Variants in BMS1 observed in about 807,000 individuals in gnomAD.
BMS1 encodes BMS1 ribosome biogenesis factor.
A neutral mutation model predicts 138.7 loss-of-function variants in BMS1; 53 were observed. The ratio of observed to expected loss-of-function variants is 0.38; its 90% CI spans 0.31 to 0.48. The LOEUF (loss-of-function observed/expected upper bound fraction) is 0.48. BMS1 is among the 20% of genes least tolerant of loss of function. The pLI, the probability that BMS1 is intolerant of heterozygous loss-of-function variation, is 0.97. For missense variants in BMS1, 1,360 were observed against 1,565.5 expected (o/e 0.87, Z 2.22); for synonymous variants, 504 against 539.9 (o/e 0.93, Z 0.92).
intron 11 of BMS1, 65 bp downstream of exon 11, chr10:42,797,588 G>T: frequency 6.7e-7 from 1 of 1,502,848 alleles, no homozygotes; most frequent in Non-Finnish European, 9.2e-7. Flanking sequence ...TGAGGGAATT[G>T]GTTGGAGGAT....
At chr10:42,798,361 C>A in intron 11 of BMS1, 107 bp from the exon 12 acceptor site, 1 of 1,370,816 alleles carries the variant, frequency 7.3e-7, no homozygotes, top group South Asian at 1.3e-5. Context: ...CAGACAGAGT[C>A]CCTCAGTTCC....
intron 13 of BMS1, among the ~76,000 whole-genome samples, chr10:42,812,530 G>A (rs543598935): frequency 7.3e-4 from 111 of 152,284 alleles, no homozygotes; most frequent in Non-Finnish European, 1.2e-3. Flanking sequence ...CAGATGTTAC[G>A]GTCACTTCCT....
chr10:42,790,008 G>A (rs528118231), intron 4 of BMS1, among the ~76,000 whole-genome samples: 2 of 152,290 alleles, frequency 1.3e-5, no homozygotes, highest in South Asian at 2.1e-4. Flanking sequence ...AAGTCAGAGG[G>A]TGGTGGTTTC....
intron 5 of BMS1, 113 bp from the exon 6 acceptor site, chr10:42,791,514 T>G: frequency 9.0e-7 from 1 of 1,111,946 alleles, no homozygotes; most frequent in Non-Finnish European, 1.2e-6. Flanking sequence ...GGACAGTGGC[T>G]TTGCTGGAAG....
intron 13 of BMS1, among the ~76,000 whole-genome samples, chr10:42,814,135 AT>A (rs1842267148): frequency 6.6e-6 from 1 of 152,136 alleles, no homozygotes; most frequent in South Asian, 2.1e-4. Flanking sequence ...CTGTAAGTTT[AT>A]ATCTTTCACT....
At chr10:42,830,770 A>G (rs538975912) in intron 22 of BMS1, 96 bp from the exon 23 acceptor site, 3 of 1,064,332 alleles carry the variant, frequency 2.8e-6, no homozygotes, top group Non-Finnish European at 4.1e-6. Flanking sequence ...GTTAATATTC[A>G]TTTGGATCGT....
At chr10:42,821,094 T>G in intron 18 of BMS1, 102 bp downstream of exon 18, 1 of 981,888 alleles carries the variant, frequency 1.0e-6, no homozygotes, top group South Asian at 1.4e-5. Flanking sequence ...TTACTCATTT[T>G]TATTAATACA....
At chr10:42,787,096 A>G in intron 3 of BMS1, 72 bp from the exon 4 acceptor site, 1 of 831,154 alleles carries the variant, frequency 1.2e-6, no homozygotes, top group South Asian at 1.4e-5. Context: ...TTAAAAAATG[A>G]AAATTAAGAG....
rs2132403083 is a variant in BMS1 at position 42,832,322 on chromosome 10, G to A, written c.*1226G>A. On this transcript the variant is annotated 3_prime_UTR_variant, in exon 23 of 23. Transcript: ENST00000374518. Reference sequence around the variant, plus strand: ...CACCTGTAGTTCCAGCTGCTTGGGAGGCTGAGGTAGGAGGATCACTTGAGC... The same window carrying A: ...CACCTGTAGTTCCAGCTGCTTGGGAAGCTGAGGTAGGAGGATCACTTGAGC... The A allele has an allele frequency of 6.6e-6, 1 of 152,184 alleles. No homozygotes were observed. The highest frequency in any genetic ancestry group is 2.4e-5 in the African/African-American group (1 of 41,514). The allele number at this position is 152,184 out of a possible 1,614,324, so 9.4% of individuals were successfully genotyped here. A position where few individuals can be genotyped will look rare whatever the true frequency, so the allele number is the denominator to read the frequency against.
rs776525557 is a variant in BMS1 at position 42,787,147 on chromosome 10, T to C, written c.368-21T>C. 4.7e-6 allele frequency: 4 copies of C among 848,946 alleles called. No individual in the cohort carries two copies. In the Middle Eastern group the frequency reaches 1.0e-3, roughly 218 times the overall value. The allele number at this position is 848,946 out of a possible 1,614,324, so 52.6% of individuals were successfully genotyped here. A position where few individuals can be genotyped will look rare whatever the true frequency, so the allele number is the denominator to read the frequency against. The stretch of plus-strand genomic sequence containing the variant: ...TTTTCAGGGTCTTTTTAAAGTAAAA[T>C]TTTCATCTTTTCACTTATAGGTAAA... On this transcript the variant is annotated intron_variant, in intron 3 of 22. Transcript: ENST00000374518.
chr10:42,801,133 A>G (rs1450591971), intron 12 of BMS1, among the ~76,000 whole-genome samples: 24 of 152,208 alleles, frequency 1.6e-4, no homozygotes, highest in Non-Finnish European at 2.9e-5. Flanking sequence ...TTTCAACGTG[A>G]CAGCCTAGGC....
chr10:42,786,883 T>A (rs76403940), intron 3 of BMS1, among the ~76,000 whole-genome samples: 384 of 152,366 alleles, frequency 2.5e-3, no homozygotes, highest in Non-Finnish European at 4.1e-3. Flanking sequence ...AACAGCAGGA[T>A]CATGGTTATC....
chr10:42,793,674 A>T (rs745953986), intron 8 of BMS1, among the ~76,000 whole-genome samples, 178 bp from the exon 9 acceptor site: 2 of 152,226 alleles, frequency 1.3e-5, no homozygotes, highest in Non-Finnish European at 2.9e-5. Flanking sequence ...GAAAAGTTTA[A>T]TGGAGATGGG....
chr10:42,832,920 A>T lies in BMS1; in HGVS notation c.*1824A>T, dbSNP rs1227919599. 1.3e-5 allele frequency: 2 copies of T among 152,232 alleles called. No individual in the cohort carries two copies. Among genetic ancestry groups the T allele is most frequent in the Non-Finnish European group, 2.9e-5 (2 of 68,032 alleles). 9.4% of individuals were successfully genotyped at this position (152,232 alleles called of 1,614,324 possible). ...ATAATTGATATATTTTAAAATGCAAAACTATAATTCAACTAAAATATACAA... is the reference window on the plus strand; with the variant it reads ...ATAATTGATATATTTTAAAATGCAATACTATAATTCAACTAAAATATACAA... On this transcript the variant is annotated 3_prime_UTR_variant, in exon 23 of 23. Transcript: ENST00000374518.
intron 21 of BMS1, among the ~76,000 whole-genome samples, chr10:42,829,505 G>C (rs1004564302): frequency 3.3e-5 from 5 of 152,134 alleles, no homozygotes; most frequent in African/African-American, 1.2e-4. Flanking sequence ...GCTGATTGAA[G>C]GAAGAACTGT....
In BMS1 at chr10:42,831,049, A is replaced by C; in HGVS notation, c.3802A>C (p.Arg1268=). The change falls in exon 23 of 23, where the codon AGA becomes CGA. Residue 1268 remains arginine, a synonymous_variant. Coordinates refer to ENST00000374518, the MANE Select transcript of BMS1 (RefSeq NM_014753.4). ...LFRIQGQKER[R]NQKSSLKGAE... ...CAGAATTCAGGGGCAGAAGGAAAGA[A>C]GAAACCAGAAGTCCAGTTTGAAGGG... is the stretch of plus-strand genomic sequence containing the variant. 6.3e-7 allele frequency: 1 copy of C among 1,582,504 alleles called. No individual in the cohort carries two copies. Among genetic ancestry groups the C allele is most frequent in the South Asian group, 1.2e-5 (1 of 86,816 alleles).
intron 21 of BMS1, among the ~76,000 whole-genome samples, chr10:42,824,398 A>G (rs1479416951): frequency 1.3e-5 from 2 of 152,188 alleles, no homozygotes; most frequent in Non-Finnish European, 2.9e-5. Flanking sequence ...TTTATCAGAT[A>G]TGTGGTTTGC....
chr10:42,832,082 C>G lies in BMS1; in HGVS notation c.*986C>G, dbSNP rs748039271. 1 of 152,096 alleles carries G rather than the reference C, an allele frequency of 6.6e-6. No homozygotes were observed. Among genetic ancestry groups the G allele is most frequent in the African/African-American group, 2.4e-5 (1 of 41,396 alleles). The allele number at this position is 152,096 out of a possible 1,614,324, so 9.4% of individuals were successfully genotyped here. On this transcript the variant is annotated 3_prime_UTR_variant, in exon 23 of 23. Transcript: ENST00000374518. ...GCTGATTTTATTCACATTTCCCCAG[C>G]TTTACTTTCCCCAACGTATACTCCT...
chr10:42,796,094 C>T (rs1402299179), intron 9 of BMS1, among the ~76,000 whole-genome samples: 1 of 152,200 alleles, frequency 6.6e-6, no homozygotes, highest in East Asian at 1.9e-4. Flanking sequence ...TGCCTTCTTT[C>T]TGCTTTGGGC....
Sources: gnomAD v4.1 joint callset for allele counts (sites outside exome capture counted in the v4.1 genomes callset) on GRCh38, gnomAD v4.1.1 for gene constraint, MANE v1.5 for transcripts, NCBI Gene and HGNC (gene_info 2026-07-23, HGNC 2026-07-21) for gene names.